The following IPMK variants were observed in gnomAD, a reference collection of about 807,000 sequenced individuals.
IPMK encodes inositol 1,3,4,6-tetrakisphosphate 5-kinase.
In IPMK, 17 loss-of-function variants were observed where a neutral mutation model predicts 45.8. The observed-to-expected ratio is 0.37, with a 90% CI of 0.25 to 0.56. The LOEUF is 0.56. IPMK is among the 20% of genes least tolerant of loss of function. The probability of loss-of-function intolerance (pLI) is 0.79; values close to 1 mark genes in which losing one functional copy is unlikely to be tolerated. For missense variants in IPMK, 399 were observed against 498.0 expected (o/e 0.80, Z 1.89); for synonymous variants, 180 against 184.3 (o/e 0.98, Z 0.19).
At chr10:58,228,179 G>A (rs947037651) in intron 2 of IPMK, among the ~76,000 whole-genome samples, 1 of 152,152 alleles carries the variant, frequency 6.6e-6, no homozygotes, top group African/African-American at 2.4e-5. Context: ...AATGACCGTG[G>A]GTGCAGTGCT....
intron 1 of IPMK, among the ~76,000 whole-genome samples, chr10:58,255,847 T>C (rs111896825): frequency 0.018 from 2,697 of 152,286 alleles, 89 homozygotes; most frequent in African/African-American, 0.059. Flanking sequence ...TGGACATTTA[T>C]TAGTTCCCCA....
chr10:58,267,763 C>A lies in IPMK; in HGVS notation c.-152G>T, dbSNP rs1359002662. The A allele has an allele frequency of 1.8e-6, 1 of 568,258 alleles. No homozygotes were observed. Among genetic ancestry groups the A allele is most frequent in the Non-Finnish European group, 3.1e-6 (1 of 321,494 alleles). The allele number at this position is 568,258 out of a possible 1,614,324, so 35.2% of individuals were successfully genotyped here. ...TGCCCTCTGAAGCGCGGGGAGGGGG[C>A]CCATGACGCCGCCGGGGCGCGGGCG... is the stretch of plus-strand genomic sequence containing the variant. On this transcript the variant is annotated 5_prime_UTR_variant, in exon 1 of 6. Transcript: ENST00000373935.
At chr10:58,263,472 C>A (rs939364027) in intron 1 of IPMK, among the ~76,000 whole-genome samples, 2 of 151,156 alleles carry the variant, frequency 1.3e-5, no homozygotes, top group Non-Finnish European at 2.9e-5. Flanking sequence ...TGCAGTGAGT[C>A]AAGACCGCGC....
chr10:58,229,582 T>C (rs1430467189), intron 2 of IPMK, among the ~76,000 whole-genome samples: 1 of 99,238 alleles, frequency 1.0e-5, no homozygotes, highest in African/African-American at 5.3e-5. Context: ...AAAAAAAAAG[T>C]AATCTAAATA....
At chr10:58,254,936 A>C (rs1158656143) in intron 1 of IPMK, among the ~76,000 whole-genome samples, 1 of 152,226 alleles carries the variant, frequency 6.6e-6, no homozygotes, top group African/African-American at 2.4e-5. Flanking sequence ...TGAGCACCAA[A>C]GCTTAAACAC....
intron 1 of IPMK, among the ~76,000 whole-genome samples, chr10:58,259,829 G>C (rs1240389984): frequency 1.3e-5 from 2 of 151,978 alleles, no homozygotes; most frequent in South Asian, 2.1e-4. Flanking sequence ...AACAGAGCAA[G>C]AACCTGTCTC....
At chr10:58,254,840 C>T (rs1838940342) in intron 1 of IPMK, among the ~76,000 whole-genome samples, 1 of 152,214 alleles carries the variant, frequency 6.6e-6, no homozygotes, top group African/African-American at 2.4e-5. Context: ...TGGGAGAAGA[C>T]TTATAGTGAA....
intron 4 of IPMK, among the ~76,000 whole-genome samples, chr10:58,200,214 A>G (rs1837977459): frequency 6.6e-6 from 1 of 151,992 alleles, no homozygotes; most frequent in African/African-American, 2.4e-5. Context: ...TGCCTCCGGG[A>G]TTCAAGTGAT....
intron 1 of IPMK, among the ~76,000 whole-genome samples, chr10:58,248,633 A>C (rs2590332): frequency 0.15 from 22,723 of 150,852 alleles, 2,318 homozygotes; most frequent in African/African-American, 0.3. Context: ...GCTATTAAAC[A>C]CTAGAACTTA....
intron 4 of IPMK, among the ~76,000 whole-genome samples, chr10:58,215,847 T>C (rs1838236868): frequency 6.6e-6 from 1 of 152,148 alleles, no homozygotes; most frequent in Non-Finnish European, 1.5e-5. Context: ...TGCACCTAAA[T>C]TTAAGACTTC....
intron 1 of IPMK, among the ~76,000 whole-genome samples, chr10:58,252,724 T>C (rs1214666609): frequency 6.6e-6 from 1 of 151,070 alleles, no homozygotes; most frequent in Non-Finnish European, 1.5e-5. Flanking sequence ...GTGATTCTCC[T>C]GCCTCGACTG....
intron 4 of IPMK, among the ~76,000 whole-genome samples, chr10:58,213,444 G>T (rs1838196065): frequency 6.6e-6 from 1 of 152,198 alleles, no homozygotes; most frequent in African/African-American, 2.4e-5. Context: ...CAACACTATG[G>T]GAGGCCAAGG....
At chr10:58,221,881 TG>T (rs1838342444) in intron 3 of IPMK, among the ~76,000 whole-genome samples, 1 of 152,196 alleles carries the variant, frequency 6.6e-6, no homozygotes, top group Non-Finnish European at 1.5e-5. Flanking sequence ...CCTGAGTAGC[TG>T]GGACTACAGG....
intron 4 of IPMK, among the ~76,000 whole-genome samples, chr10:58,214,422 G>A (rs1048503633): frequency 6.6e-6 from 1 of 151,852 alleles, no homozygotes; most frequent in African/African-American, 2.4e-5. Flanking sequence ...GAGGGTGAGA[G>A]ATCTGAAAAC....
At chr10:58,244,172 C>T (rs1449337396) in intron 1 of IPMK, among the ~76,000 whole-genome samples, 7 of 150,540 alleles carry the variant, frequency 4.6e-5, no homozygotes, top group Admixed American at 6.6e-5. Flanking sequence ...CCGGCCGCCC[C>T]GTCTGGGAGG....
chr10:58,242,786 CA>C (rs1743310995), intron 1 of IPMK, among the ~76,000 whole-genome samples: 1 of 152,058 alleles, frequency 6.6e-6, no homozygotes. Flanking sequence ...TATGCCCACC[CA>C]AATCTCATGT....
At chr10:58,199,964 A>G (rs936022879) in intron 4 of IPMK, among the ~76,000 whole-genome samples, 2 of 152,244 alleles carry the variant, frequency 1.3e-5, no homozygotes, top group African/African-American at 2.4e-5. Context: ...GAACATGAAA[A>G]TAAGCTAGAT....
intron 4 of IPMK, among the ~76,000 whole-genome samples, chr10:58,210,671 G>A (rs1203537528): frequency 6.6e-6 from 1 of 152,072 alleles, no homozygotes; most frequent in Non-Finnish European, 1.5e-5. Context: ...CATTTTACGT[G>A]GCCCCCTAAA....
intron 1 of IPMK, among the ~76,000 whole-genome samples, chr10:58,247,520 T>C (rs9730970): frequency 0.049 from 7,408 of 151,430 alleles, 431 homozygotes; most frequent in East Asian, 0.3. Flanking sequence ...ATGGATGAAA[T>C]TGGAAATCAT....
Sources: gnomAD v4.1 joint callset for allele counts (sites outside exome capture counted in the v4.1 genomes callset) on GRCh38, gnomAD v4.1.1 for gene constraint, MANE v1.5 for transcripts, NCBI Gene and HGNC (gene_info 2026-07-23, HGNC 2026-07-21) for gene names.